Variants in ZNF43 observed in about 807,000 individuals in gnomAD.
ZNF43 encodes zinc finger protein 43.
ZNF43 carries 44 observed loss-of-function variants against 68.4 expected under a neutral mutation model. The ratio of observed to expected loss-of-function variants is 0.64; its 90% CI spans 0.51 to 0.83. The LOEUF is 0.83. ZNF43 is among the 40% of genes least tolerant of loss of function. The pLI is 0.00. For synonymous variants in ZNF43, 308 were observed against 307.8 expected (o/e 1.00, Z -0.01); for missense variants, 896 against 933.2 (o/e 0.96, Z 0.52).
intron 1 of ZNF43, among the ~76,000 whole-genome samples, chr19:21,823,270 A>G (rs1198683314): frequency 6.6e-6 from 1 of 152,170 alleles, no homozygotes; most frequent in Non-Finnish European, 1.5e-5. Flanking sequence ...TTTAATGGCC[A>G]TAAGAAATGG....
chr19:21,807,882 A>G lies in ZNF43; in HGVS notation c.2155T>C (p.Ser719Pro). 1 of 1,613,260 alleles carries G rather than the reference A, an allele frequency of 6.2e-7. No individual in the cohort carries two copies. The highest frequency in any genetic ancestry group is 8.5e-7 in the Non-Finnish European group (1 of 1,179,820). ...EKCGKAFNRS[S>P]NLIEHKKIHT... Reference sequence around the variant, plus strand: ...ATTTTCTTATGTTCAATAAGGTTTGAGGATCGGTTAAAAGCTTTGCCACAT... The same window carrying G: ...ATTTTCTTATGTTCAATAAGGTTTGGGGATCGGTTAAAAGCTTTGCCACAT... The change falls in exon 4 of 4, where the codon TCA becomes CCA. Residue 719 changes from serine to proline, a missense_variant. Physicochemically the swap from Ser to Pro is moderately conservative, Grantham distance 74. Transcript: ENST00000354959.
intron 1 of ZNF43, among the ~76,000 whole-genome samples, chr19:21,844,976 TAA>T (rs1158786014): frequency 2.2e-5 from 3 of 136,234 alleles, no homozygotes; most frequent in Non-Finnish European, 4.6e-5. Context: ...CACCTATGGG[TAA>T]AGAGTGAGCA....
chr19:21,823,936 G>A (rs1314659493), intron 1 of ZNF43, among the ~76,000 whole-genome samples: 1 of 152,136 alleles, frequency 6.6e-6, no homozygotes. Flanking sequence ...TGTAATCCCA[G>A]CATTTGGGGA....
chr19:21,818,426 TTTC>T (rs1179693417), intron 2 of ZNF43, among the ~76,000 whole-genome samples: 1 of 151,568 alleles, frequency 6.6e-6, no homozygotes, highest in Non-Finnish European at 1.5e-5. Context: ...TTAACAAAAA[TTTC>T]TTCTTGTTTG....
Position 21,808,507 on chromosome 19 carries a change from G to A in ZNF43, c.1530C>T (p.Tyr510=). ...HKKIHIEKKP[Y]KCEECGKAFK... ...AAGCTTTGCCACATTCTTCACATTTGTAGGGTTTCTTTTCAATGTGAATTT... is the reference window on the plus strand; with the variant it reads ...AAGCTTTGCCACATTCTTCACATTTATAGGGTTTCTTTTCAATGTGAATTT... The change falls in exon 4 of 4, where the codon TAC becomes TAT. Residue 510 remains tyrosine, a synonymous_variant. Transcript: ENST00000354959. The A allele has an allele frequency of 1.2e-6, 2 of 1,613,298 alleles. No individual in the cohort carries two copies. Among genetic ancestry groups the A allele is most frequent in the Non-Finnish European group, 1.7e-6 (2 of 1,179,824 alleles).
At chr19:21,817,741 G>T in intron 3 of ZNF43, 147 bp downstream of exon 3, 1 of 788,792 alleles carries the variant, frequency 1.3e-6, no homozygotes, top group Non-Finnish European at 2.1e-6. Flanking sequence ...ATACCCTTGT[G>T]TGAAAGCAAA....
chr19:21,835,271 A>G (rs927456118), intron 1 of ZNF43, among the ~76,000 whole-genome samples: 10 of 151,000 alleles, frequency 6.6e-5, no homozygotes, highest in African/African-American at 2.2e-4. Flanking sequence ...AAAAAAGAAA[A>G]AAAAGAAAAA....
chr19:21,809,174 C>A lies in ZNF43; in HGVS notation c.863G>T (p.Cys288Phe), dbSNP rs1196020377. ...IIRTGEKFYKCKECAKAFNQS... is the reference protein window; with the variant it reads ...IIRTGEKFYKFKECAKAFNQS... ...GTTAAAAGCTTTGGCACATTCTTTA[C>A]ATTTGTAGAATTTCTCTCCAGTGCG... The change falls in exon 4 of 4, where the codon TGT becomes TTT. Residue 288 changes from cysteine (C) to phenylalanine (F), a missense_variant. Cys to Phe is a radical substitution (Grantham distance 205). Coordinates refer to ENST00000354959, the MANE Select transcript of ZNF43 (RefSeq NM_003423.4). 2.5e-6 allele frequency: 4 copies of A among 1,613,394 alleles called. No homozygotes were observed. In the East Asian group the frequency reaches 6.7e-5, roughly 27 times the overall value.
At chr19:21,835,612 C>T (rs958883925) in intron 1 of ZNF43, among the ~76,000 whole-genome samples, 5 of 152,088 alleles carry the variant, frequency 3.3e-5, no homozygotes, top group African/African-American at 1.2e-4. Flanking sequence ...ACCTCGACCT[C>T]CCAAAGTGCT....
chr19:21,831,423 A>G (rs2038420373), intron 1 of ZNF43, among the ~76,000 whole-genome samples: 1 of 151,894 alleles, frequency 6.6e-6, no homozygotes. Flanking sequence ...GTGCAGTGGC[A>G]CAATCTCAGC....
intron 1 of ZNF43, among the ~76,000 whole-genome samples, chr19:21,833,525 C>T (rs975360254): frequency 8.6e-5 from 13 of 151,816 alleles, no homozygotes; most frequent in African/African-American, 3.1e-4. Flanking sequence ...CCACCTCGGC[C>T]TCCCAAAGTG....
In ZNF43 at chr19:21,809,520, G is replaced by GT. The variant is rs748612562; in HGVS notation, c.516dup (p.Leu173ThrfsTer21). The GT allele has an allele frequency of 5.6e-6, 9 of 1,613,158 alleles. No homozygotes were observed. The highest frequency in any genetic ancestry group is 2.2e-5 in the South Asian group (2 of 91,048). The stretch of plus-strand genomic sequence containing the variant: ...TTGCCACATTCTTTGCATTTGAAAA[G>GT]TTTTTTTTCAGTATGGCTTATCTTA... On this transcript the variant is annotated frameshift_variant, in exon 4 of 4. Coordinates refer to ENST00000354959, the MANE Select transcript of ZNF43 (RefSeq NM_003423.4). LOFTEE classifies it high-confidence loss of function.
In ZNF43 at chr19:21,819,176, C is replaced by T. The variant is rs1200760805; in HGVS notation, c.49G>A (p.Glu17Lys). The change falls in exon 2 of 4, where the codon GAG becomes AAG. Residue 17 changes from glutamate to lysine, a missense_variant. Physicochemically the swap from Glu to Lys is moderately conservative, Grantham distance 56 (BLOSUM62 1). Coordinates refer to ENST00000354959, the MANE Select transcript of ZNF43 (RefSeq NM_003423.4). ...MDVAIEFCLE[E>K]WQCLDIAQQN... ...TGTGCAATGTCCAGGCATTGCCACT[C>T]CTCCAGACAGAATTCTATGGCCACA... is the stretch of plus-strand genomic sequence containing the variant. The T allele has an allele frequency of 6.2e-7, 1 of 1,607,490 alleles. No individual in the cohort carries two copies. Among genetic ancestry groups the T allele is most frequent in the Admixed American group, 1.7e-5 (1 of 58,126 alleles).
chr19:21,817,774 G>A, intron 3 of ZNF43, 114 bp downstream of exon 3: 1 of 1,140,762 alleles, frequency 8.8e-7, no homozygotes, highest in Non-Finnish European at 1.3e-6. Context: ...AGGCTTTCCA[G>A]AAACTCTTTC....
At chr19:21,837,154 A>C (rs913217878), upstream of ZNF43, among the ~76,000 whole-genome samples, 5 of 152,174 alleles carry the variant, frequency 3.3e-5, no homozygotes, top group African/African-American at 1.2e-4. Context: ...AGGTTTTAGA[A>C]ACTGATGTAA....
intron 1 of ZNF43, among the ~76,000 whole-genome samples, chr19:21,833,489 T>G (rs62112965): frequency 1.3e-5 from 2 of 151,252 alleles, no homozygotes; most frequent in Non-Finnish European, 2.9e-5. Flanking sequence ...AGGCTGGTCT[T>G]GAACTCCTGA....
chr19:21,830,482 G>A (rs1373863860), intron 1 of ZNF43, among the ~76,000 whole-genome samples: 3 of 148,070 alleles, frequency 2.0e-5, no homozygotes, highest in Non-Finnish European at 4.4e-5. Flanking sequence ...AGTCTGTAAC[G>A]AACACCTCTA....
intron 1 of ZNF43, chr19:21,851,885 G>A (rs776098358): frequency 1.3e-6 from 2 of 1,570,644 alleles, no homozygotes; most frequent in Admixed American, 1.9e-5. Flanking sequence ...CTCTCGGGAT[G>A]CCTAACCCCG....
intron 1 of ZNF43, among the ~76,000 whole-genome samples, chr19:21,831,914 T>A (rs1045001715): frequency 1.3e-5 from 2 of 152,198 alleles, no homozygotes; most frequent in South Asian, 4.1e-4. Flanking sequence ...AAAACCCGTT[T>A]ATGCTCATGA....
Sources: allele counts gnomAD v4.1 joint callset (sites outside exome capture counted in the v4.1 genomes callset), GRCh38; gene constraint gnomAD v4.1.1; transcripts MANE v1.5; gene names NCBI Gene and HGNC (gene_info 2026-07-23, HGNC 2026-07-21).